PRPF39: variants seen among roughly 807,000 people sequenced by gnomAD.
PRPF39 encodes the protein pre-mRNA processing factor 39.
PRPF39 carries 27 observed loss-of-function variants against 82.1 expected under a neutral mutation model. That is an observed-to-expected ratio of 0.33 (90% CI 0.24 to 0.45). The LOEUF (loss-of-function observed/expected upper bound fraction) is 0.45, where lower values mean the gene tolerates loss of function less well. Among genes scored for constraint, PRPF39 ranks in the 20% least tolerant of loss-of-function variants. The pLI, the probability that PRPF39 is intolerant of heterozygous loss-of-function variation, is 1.00. For missense variants in PRPF39, 581 were observed against 796.9 expected, an observed-to-expected ratio of 0.73 and a Z score of 3.26; for synonymous variants, 261 against 256.4, an observed-to-expected ratio of 1.02 and a Z score of -0.17.
Position 45,107,478 on chromosome 14 carries a change from G to C in PRPF39, c.765G>C (p.Leu255Phe). ...TTAAAGAACATGTACAGAATAATTT[G>C]CCTAGAGATCTTTTAACTGGTGAAC... Reference protein sequence around the residue: ...QRFKEHVQNNLPRDLLTGEQF... With the variant: ...QRFKEHVQNNFPRDLLTGEQF... The change falls in exon 6 of 14, where the codon TTG becomes TTC. Residue 255 changes from leucine to phenylalanine, a missense_variant. By Grantham distance (22) the Leu-to-Phe change is conservative. Coordinates refer to ENST00000355765, the MANE Select transcript of PRPF39 (RefSeq NM_017922.4). 1.3e-6 allele frequency: 2 copies of C among 1,556,850 alleles called. No individual in the cohort carries two copies. Among genetic ancestry groups the C allele is most frequent in the South Asian group, 2.3e-5 (2 of 85,346 alleles).
At chr14:45,091,605 C>T (rs887726457) in intron 1 of PRPF39, among the ~76,000 whole-genome samples, 3 of 151,406 alleles carry the variant, frequency 2.0e-5, no homozygotes, top group Admixed American at 6.6e-5. Context: ...TCTTAGTTTA[C>T]GAAGAGTGTA....
At chr14:45,096,382 C>A in intron 3 of PRPF39, 154 bp downstream of exon 3, 1 of 1,514,970 alleles carries the variant, frequency 6.6e-7, no homozygotes, top group Non-Finnish European at 8.9e-7. Flanking sequence ...ATTTGTCACT[C>A]TTGTGGCATT....
At chr14:45,095,987 G>T in intron 2 of PRPF39, 116 bp from the exon 3 acceptor site, 1 of 965,338 alleles carries the variant, frequency 1.0e-6, no homozygotes, top group Non-Finnish European at 1.5e-6. Context: ...TGCATGTGGA[G>T]TTTTTAAGCC....
At chr14:45,095,601 TAATC>T (rs1884172984) in intron 2 of PRPF39, 38 bp downstream of exon 2, 6 of 1,500,096 alleles carry the variant, frequency 4.0e-6, no homozygotes, top group East Asian at 2.4e-5. Context: ...AGGGACAAAT[TAATC>T]AAGTCATTAA....
intron 2 of PRPF39, 181 bp downstream of exon 2, chr14:45,095,744 G>A: frequency 1.3e-6 from 1 of 798,342 alleles, no homozygotes; most frequent in Non-Finnish European, 1.9e-6. Context: ...GTATGTTGTA[G>A]AGAGTCAGTA....
At chr14:45,089,418 G>A (rs1242743108) in intron 1 of PRPF39, among the ~76,000 whole-genome samples, 5 of 152,120 alleles carry the variant, frequency 3.3e-5, no homozygotes, top group Non-Finnish European at 7.3e-5. Context: ...TTATTTCTGT[G>A]TTCTTTATTT....
intron 4 of PRPF39, among the ~76,000 whole-genome samples, chr14:45,101,246 T>C (rs1884363979): frequency 6.6e-6 from 1 of 152,206 alleles, no homozygotes; most frequent in African/African-American, 2.4e-5. Flanking sequence ...CACTAAACAT[T>C]TTTTAGCGCT....
chr14:45,093,789 AG>A (rs939354347), intron 1 of PRPF39, among the ~76,000 whole-genome samples: 45 of 152,014 alleles, frequency 3.0e-4, no homozygotes, highest in Admixed American at 2.4e-3. Flanking sequence ...TCCCAACCTC[AG>A]GTGATCCGCC....
intron 1 of PRPF39, among the ~76,000 whole-genome samples, chr14:45,087,999 T>G (rs1448163412): frequency 6.6e-6 from 1 of 152,182 alleles, no homozygotes; most frequent in Non-Finnish European, 1.5e-5. Flanking sequence ...GTTACTTGTT[T>G]ATTGTTCAAT....
chr14:45,105,391 ACTTC>A (rs1178595263), intron 5 of PRPF39, among the ~76,000 whole-genome samples: 1 of 152,034 alleles, frequency 6.6e-6, no homozygotes, highest in African/African-American at 2.4e-5. Flanking sequence ...TTTGAGAGTT[ACTTC>A]CTTATTTTTA....
At chr14:45,114,153 T>G (rs769433923) in intron 11 of PRPF39, 30 bp from the exon 12 acceptor site, 1 of 1,497,212 alleles carries the variant, frequency 6.7e-7, no homozygotes, top group Non-Finnish European at 9.2e-7. Context: ...TTTTGTATAT[T>G]CCAGAGGATA....
chr14:45,114,162 TA>T lies in PRPF39; in HGVS notation c.1758-20del. 6.6e-7 allele frequency: 1 copy of T among 1,521,296 alleles called. No individual in the cohort carries two copies. Among genetic ancestry groups the T allele is most frequent in the Non-Finnish European group, 9.0e-7 (1 of 1,111,650 alleles). 94.2% of individuals were successfully genotyped at this position (1,521,296 alleles called of 1,614,324 possible). ...TTTGTTTTTTGTATATTCCAGAGGA[TA>T]TTTTTTTCTTTCCTTTCAGGCTTCT... On this transcript the variant is annotated intron_variant, in intron 11 of 13. Coordinates refer to ENST00000355765, the MANE Select transcript of PRPF39 (RefSeq NM_017922.4).
In PRPF39 at chr14:45,095,441, G is replaced by T. The variant is rs761958653; in HGVS notation, c.202G>T (p.Val68Leu). The change falls in exon 2 of 14, where the codon GTG (valine) becomes TTG (leucine). Residue 68 changes from valine (V) to leucine (L), a missense_variant. Val to Leu is a conservative substitution (Grantham distance 32). Transcript: ENST00000355765. ...AATGGCAAGTGCTGTGGACCTTCCA[G>T]TGACGCTGACAGAAACAGAAGCAAA... ...TEMASAVDLP[V>L]TLTETEANFP... 6.2e-7 allele frequency: 1 copy of T among 1,613,988 alleles called. No individual in the cohort carries two copies.
chr14:45,100,911 G>GT (rs1225896445), intron 4 of PRPF39, among the ~76,000 whole-genome samples: 1 of 151,974 alleles, frequency 6.6e-6, no homozygotes, highest in Non-Finnish European at 1.5e-5. Context: ...CTTTTCTATA[G>GT]TTTTTTGCTT....
chr14:45,091,396 C>T (rs1273999991), intron 1 of PRPF39, among the ~76,000 whole-genome samples: 1 of 152,212 alleles, frequency 6.6e-6, no homozygotes, highest in Non-Finnish European at 1.5e-5. Flanking sequence ...CCCACCTTGG[C>T]TTCCCGAAGT....
At position 45,110,894 on chromosome 14, in the gene PRPF39, A is replaced by T; in HGVS notation, c.1572+77A>T. Reference sequence around the variant, plus strand: ...GTGTATTTTCACTGTGGCAACTGTGATGAAAGATTTGGTCTGTATGTAATA... The same window carrying T: ...GTGTATTTTCACTGTGGCAACTGTGTTGAAAGATTTGGTCTGTATGTAATA... On this transcript the variant is annotated intron_variant, in intron 10 of 13. Transcript: ENST00000355765. The surrounding 1 kb of genome is among the most constrained non-coding windows in gnomAD (Gnocchi z 4.0). 7.5e-7 allele frequency: 1 copy of T among 1,330,344 alleles called. No homozygotes were observed. The highest frequency in any genetic ancestry group is 1.0e-6 in the Non-Finnish European group (1 of 979,452). The allele number at this position is 1,330,344 out of a possible 1,614,324, so 82.4% of individuals were successfully genotyped here. A position where few individuals can be genotyped will look rare whatever the true frequency, so the allele number is the denominator to read the frequency against.
Position 45,110,902 on chromosome 14 carries a change from T to C in PRPF39, c.1572+85T>C. 4.6e-6 allele frequency: 6 copies of C among 1,290,614 alleles called. No individual in the cohort carries two copies. Among genetic ancestry groups the C allele is most frequent in the Non-Finnish European group, 3.2e-6 (3 of 946,262 alleles). 79.9% of individuals were successfully genotyped at this position (1,290,614 alleles called of 1,614,324 possible). A position where few individuals can be genotyped will look rare whatever the true frequency, so the allele number is the denominator to read the frequency against. On this transcript the variant is annotated intron_variant, in intron 10 of 13. Coordinates refer to ENST00000355765, the MANE Select transcript of PRPF39 (RefSeq NM_017922.4). This position sits in a 1 kb window ranked among gnomAD's most constrained non-coding sequence, Gnocchi z 4.0. Reference sequence around the variant, plus strand: ...TCACTGTGGCAACTGTGATGAAAGATTTGGTCTGTATGTAATAGATTTTAT... The same window carrying C: ...TCACTGTGGCAACTGTGATGAAAGACTTGGTCTGTATGTAATAGATTTTAT...
In PRPF39 at chr14:45,110,988, T is replaced by G. The variant is rs1884679589; in HGVS notation, c.1572+171T>G. The stretch of plus-strand genomic sequence containing the variant: ...TTGCCATTTAAAAATTTTTTTCAAA[T>G]TGTTTTGAATTAAAAGTTTTAGACA... On this transcript the variant is annotated intron_variant, in intron 10 of 13. Transcript: ENST00000355765. This position sits in a 1 kb window ranked among gnomAD's most constrained non-coding sequence, Gnocchi z 4.0. The G allele has an allele frequency of 6.3e-6, 4 of 638,968 alleles. No homozygotes were observed. The highest frequency in any genetic ancestry group is 1.0e-5 in the Non-Finnish European group (4 of 383,754). 39.6% of individuals were successfully genotyped at this position (638,968 alleles called of 1,614,324 possible).
At chr14:45,102,789 C>A (rs2139053907) in intron 5 of PRPF39, 93 bp downstream of exon 5, 2 of 1,236,446 alleles carry the variant, frequency 1.6e-6, no homozygotes, top group Non-Finnish European at 2.2e-6. Context: ...GTTATGTAAG[C>A]TTTTATTATG....
Sources: gnomAD v4.1 joint callset for allele counts (sites outside exome capture counted in the v4.1 genomes callset) on GRCh38, gnomAD v4.1.1 for gene constraint, Gnocchi (gnomAD v3.1) non-coding constraint, MANE v1.5 for transcripts, NCBI Gene and HGNC (gene_info 2026-07-23, HGNC 2026-07-21) for gene names.